Variants in ASB17 observed in about 807,000 individuals in gnomAD.
The protein encoded by ASB17 is ankyrin repeat and SOCS box protein 17.
Under a neutral mutation model 25.7 loss-of-function variants are expected in ASB17, and 26 were observed. That is an observed-to-expected ratio of 1.01 (90% CI 0.74 to 1.40). The LOEUF (loss-of-function observed/expected upper bound fraction) is 1.40. Among genes scored for constraint, ASB17 ranks in the 40% most tolerant of loss-of-function variants. The pLI, the probability that ASB17 is intolerant of heterozygous loss-of-function variation, is 0.00. For synonymous variants in ASB17, 128 were observed against 121.4 expected, an observed-to-expected ratio of 1.05 and a Z score of -0.36; for missense variants, 326 against 338.5, an observed-to-expected ratio of 0.96 and a Z score of 0.29.
At chr1:75,926,959 G>A (rs1004204408) in intron 1 of ASB17, among the ~76,000 whole-genome samples, 7 of 152,192 alleles carry the variant, frequency 4.6e-5, no homozygotes, top group African/African-American at 1.7e-4. Flanking sequence ...GGATTTTGCA[G>A]ATATGATTAA....
chr1:75,929,131 G>A (rs1198525583), intron 1 of ASB17, among the ~76,000 whole-genome samples: 3 of 152,234 alleles, frequency 2.0e-5, no homozygotes, highest in Admixed American at 2.0e-4. Context: ...CTGGAATATA[G>A]TGTTCAAAAG....
At position 75,918,984 on chromosome 1, in the gene ASB17, G is replaced by A. The variant is rs767443611; in HGVS notation, c.856C>T (p.Arg286Cys). The change falls in exon 3 of 3, where the codon CGT (arginine) becomes TGT (cysteine). Residue 286 changes from arginine (R) to cysteine (C), a missense_variant. Physicochemically the swap from Arg to Cys is radical, Grantham distance 180 (BLOSUM62 -3). Coordinates refer to ENST00000284142, the MANE Select transcript of ASB17 (RefSeq NM_080868.3). Reference protein sequence around the residue: ...DGIFSLLIPARLQNYLNLEI With the variant: ...DGIFSLLIPACLQNYLNLEI ...TCTAAATTCAGATAGTTTTGTAGAC[G>A]AGCAGGAATTAGAAGTGAAAATATT... is the stretch of plus-strand genomic sequence containing the variant. The A allele has an allele frequency of 1.7e-5, 27 of 1,612,546 alleles. No homozygotes were observed. Among genetic ancestry groups the A allele is most frequent in the East Asian group, 2.2e-5 (1 of 44,726 alleles).
Position 75,922,164 on chromosome 1 carries a change from T to A in ASB17, c.597A>T (p.Glu199Asp). ...TGGCATCTTCATGGATGTCAGCCAA[T>A]TCACGATCAACCATTACTCTTACTC... ...PSRVRVMVDR[E>D]LADIHEDAKT... Residue 199 changes from glutamate to aspartate, a missense_variant, in exon 2 of 3, where the codon GAA becomes GAT. By Grantham distance (45) the Glu-to-Asp change is conservative (BLOSUM62 2). Transcript: ENST00000284142. The A allele has an allele frequency of 1.2e-6, 2 of 1,613,902 alleles. No homozygotes were observed. The highest frequency in any genetic ancestry group is 1.7e-6 in the Non-Finnish European group (2 of 1,179,848).
intron 2 of ASB17, among the ~76,000 whole-genome samples, chr1:75,921,658 G>A (rs1653031202): frequency 6.6e-6 from 1 of 152,064 alleles, no homozygotes; most frequent in African/African-American, 2.4e-5. Context: ...GCTTGACGTT[G>A]CTTTGAGAAC....
At position 75,931,985 on chromosome 1, in the gene ASB17, C is replaced by T; in HGVS notation, c.307G>A (p.Ala103Thr). The T allele has an allele frequency of 3.1e-6, 5 of 1,613,972 alleles. No homozygotes were observed. The South Asian group carries it at 4.4e-5, about 14-fold the overall frequency. ...CVNTILYWVF[A>T]RKGNPDFVEL... ...ACAAAGTCAGGATTACCTTTTCTGG[C>T]AAAAACCCAGTACAGAATTGTATTC... Residue 103 changes from alanine (A) to threonine (T), a missense_variant, in exon 1 of 3, where the codon GCC (alanine) becomes ACC (threonine). By Grantham distance (58) the Ala-to-Thr change is moderately conservative. Transcript: ENST00000284142.
At chr1:75,930,415 G>A (rs1046388405) in intron 1 of ASB17, among the ~76,000 whole-genome samples, 3 of 149,542 alleles carry the variant, frequency 2.0e-5, no homozygotes, top group African/African-American at 2.4e-5. Context: ...GCAAAGGAAC[G>A]GTTTACCTAA....
chr1:75,930,005 T>C (rs1310873794), intron 1 of ASB17, among the ~76,000 whole-genome samples: 1 of 152,002 alleles, frequency 6.6e-6, no homozygotes, highest in Non-Finnish European at 1.5e-5. Flanking sequence ...TTCCGCTTTG[T>C]TTCTATTCAG....
chr1:75,921,997 A>T, intron 2 of ASB17, 83 bp downstream of exon 2: 2 of 1,216,790 alleles, frequency 1.6e-6, no homozygotes, highest in Non-Finnish European at 2.3e-6. Context: ...ATAAATTAAA[A>T]ATTAACTGTA....
chr1:75,928,651 T>C (rs1653237621), intron 1 of ASB17, among the ~76,000 whole-genome samples: 1 of 152,208 alleles, frequency 6.6e-6, no homozygotes, highest in Non-Finnish European at 1.5e-5. Flanking sequence ...AGTTTTCTTT[T>C]AGAAAAGAGA....
intron 2 of ASB17, among the ~76,000 whole-genome samples, chr1:75,920,654 C>T (rs1011775691): frequency 6.6e-6 from 1 of 152,200 alleles, no homozygotes; most frequent in African/African-American, 2.4e-5. Context: ...TCTTCCTGCT[C>T]AATGCTATTT....
At chr1:75,919,633 G>A (rs1036734161) in intron 2 of ASB17, among the ~76,000 whole-genome samples, 72 of 152,030 alleles carry the variant, frequency 4.7e-4, no homozygotes, top group Non-Finnish European at 5.6e-4. Flanking sequence ...GACAATATGC[G>A]GTGTTTGGTT....
chr1:75,927,501 T>C, intron 1 of ASB17, among the ~76,000 whole-genome samples: 1 of 152,134 alleles, frequency 6.6e-6, no homozygotes, highest in South Asian at 2.1e-4. Flanking sequence ...CCTGGACAGT[T>C]GTAGTATCAA....
At position 75,918,997 on chromosome 1, in the gene ASB17, A is replaced by T; in HGVS notation, c.843T>A (p.Leu281=). The change falls in exon 3 of 3, where the codon CTT becomes CTA. Residue 281 remains leucine, a synonymous_variant. Transcript: ENST00000284142. ...NNMLPDGIFS[L]LIPARLQNYL... Reference sequence around the variant, plus strand: ...AGTTTTGTAGACGAGCAGGAATTAGAAGTGAAAATATTCCATCTGGGAGCA... The same window carrying T: ...AGTTTTGTAGACGAGCAGGAATTAGTAGTGAAAATATTCCATCTGGGAGCA... 1 of 1,613,108 alleles carries T rather than the reference A, an allele frequency of 6.2e-7. No homozygotes were observed. Among genetic ancestry groups the T allele is most frequent in the Non-Finnish European group, 8.5e-7 (1 of 1,179,268 alleles).
rs2100605960 is a variant in ASB17, at chr1:75,919,044, T to G, written c.796A>C (p.Asn266His). ...AGCATATTGTTGGTTAATAGTTGAT[T>G]CCTGATGGTTAGTCTGCAAAGATGT... Reference protein sequence around the residue: ...LLHLCRLTIRNQLLTNNMLPD... With the variant: ...LLHLCRLTIRHQLLTNNMLPD... The change falls in exon 3 of 3, where the codon AAT (asparagine) becomes CAT (histidine). Residue 266 changes from asparagine (N) to histidine (H), a missense_variant. Asn to His is a moderately conservative substitution (Grantham distance 68). Coordinates refer to ENST00000284142, the MANE Select transcript of ASB17 (RefSeq NM_080868.3). 1 of 1,612,202 alleles carries G rather than the reference T, an allele frequency of 6.2e-7. No homozygotes were observed. The highest frequency in any genetic ancestry group is 2.2e-5 in the East Asian group (1 of 44,710).
chr1:75,922,278 A>G lies in ASB17; in HGVS notation c.483T>C (p.Asn161=). 1 of 1,613,398 alleles carries G rather than the reference A, an allele frequency of 6.2e-7. No individual in the cohort carries two copies. Among genetic ancestry groups the G allele is most frequent in the African/African-American group, 1.3e-5 (1 of 75,042 alleles). ...CATATTGCAGTAGTATTTTGAAGAT[A>G]TTAGACTGTCTTGTCTGAGCTACAT... The part of the protein sequence containing the change: ...LFYVAQTRQS[N]IFKILLQYGI... Residue 161 remains asparagine, a synonymous_variant, in exon 2 of 3, where the codon AAT becomes AAC. Transcript: ENST00000284142.
chr1:75,929,593 C>A (rs1351209254), intron 1 of ASB17, among the ~76,000 whole-genome samples: 1 of 152,054 alleles, frequency 6.6e-6, no homozygotes, highest in Non-Finnish European at 1.5e-5. Flanking sequence ...AGTGGAAAAA[C>A]TGGAGGATTT....
rs3037164 is a variant in ASB17 at position 75,922,488 on chromosome 1, C to CTTTTTTTTTTTTT, written c.402-142_402-130dup. ...GTCTTAAATGTAACTTTATATGTTT[C>CTTTTTTTTTTTTT]TTTTTTTTTTTTTTTTTTTTTTTTT... is the stretch of plus-strand genomic sequence containing the variant. On this transcript the variant is annotated intron_variant, in intron 1 of 2. Coordinates refer to ENST00000284142, the MANE Select transcript of ASB17 (RefSeq NM_080868.3). The CTTTTTTTTTTTTT allele has an allele frequency of 1.1e-3, 129 of 122,344 alleles. 1 individual carries two copies. Among genetic ancestry groups the CTTTTTTTTTTTTT allele is most frequent in the East Asian group, 1.1e-3 (3 of 2,620 alleles). 7.6% of individuals were successfully genotyped at this position (122,344 alleles called of 1,614,324 possible).
rs191495163 is a variant in ASB17, at chr1:75,926,416, G to A, written c.402-4057C>T. Among the ~76,000 whole-genome samples, 23 of 152,256 alleles carry A rather than the reference G, an allele frequency of 1.5e-4. No homozygotes were observed. The East Asian group carries it at 2.5e-3, about 17-fold the overall frequency. ...TTGAACAAAGACCAGAAGGAGGTGC[G>A]GAAGTTAACCATTTGGATATTTCAG... On this transcript the variant is annotated intron_variant, in intron 1 of 2. Coordinates refer to ENST00000284142, the MANE Select transcript of ASB17 (RefSeq NM_080868.3).
At chr1:75,928,888 G>C (rs570268990) in intron 1 of ASB17, among the ~76,000 whole-genome samples, 1 of 152,298 alleles carries the variant, frequency 6.6e-6, no homozygotes, top group African/African-American at 2.4e-5. Flanking sequence ...AAATAAACAG[G>C]TCAGTGATCA....
Sources: gnomAD v4.1 joint callset for allele counts (sites outside exome capture counted in the v4.1 genomes callset) on GRCh38, gnomAD v4.1.1 for gene constraint, MANE v1.5 for transcripts, NCBI Gene and HGNC (gene_info 2026-07-23, HGNC 2026-07-21) for gene names.